DAB1: variants seen among roughly 807,000 people sequenced by gnomAD.
DAB1 encodes the protein DAB adaptor protein 1, also known as disabled homolog 1.
A neutral mutation model predicts 64.6 loss-of-function variants in DAB1; 15 were observed. The ratio of observed to expected loss-of-function variants is 0.23; its 90% CI spans 0.16 to 0.36. DAB1 has a LOEUF of 0.36. DAB1 is among the 10% of genes least tolerant of loss of function. DAB1 has a pLI of 1.00. For synonymous variants in DAB1, 235 were observed against 251.9 expected (o/e 0.93, Z 0.64); for missense variants, 596 against 706.7 (o/e 0.84, Z 1.78).
In DAB1 at chr1:58,273,656, G is replaced by A. The variant is rs1169717563; in HGVS notation, n.309+69696C>T. On this transcript the variant is annotated intron_variant and non_coding_transcript_variant, in intron 4 of 20. Coordinates refer to the DAB1 transcript ENST00000485760. ...TCGCTTTCAGGTACACCAATCAGAC[G>A]TAGATTTGGTCTTTTCACATAGTCC... Among the ~76,000 whole-genome samples the A allele has an allele frequency of 5.8e-3, 231 of 39,896 alleles. 5 individuals are homozygous for A. Among genetic ancestry groups the A allele is most frequent in the African/African-American group, 0.018 (215 of 12,016 alleles). The allele number at this position is 39,896 out of a possible 152,430, so 26.2% of individuals were successfully genotyped here. A position where few individuals can be genotyped will look rare whatever the true frequency, so the allele number is the denominator to read the frequency against.
intron 2 of DAB1, among the ~76,000 whole-genome samples, chr1:57,248,064 G>A (rs611276): frequency 0.59 from 88,990 of 151,984 alleles, 26,274 homozygotes; most frequent in Admixed American, 0.66. Context: ...ACCAAAACAA[G>A]AGGATGCTCA....
rs556971030 is a variant in DAB1, at chr1:58,544,283, G to A, written n.32+2420C>T. Reference sequence around the variant, plus strand: ...ATTATTATTCATTCATTCTGAAAATGTTTAATGAGTGCCCACTAAATGCTA... The same window carrying A: ...ATTATTATTCATTCATTCTGAAAATATTTAATGAGTGCCCACTAAATGCTA... On this transcript the variant is annotated intron_variant and non_coding_transcript_variant, in intron 1 of 20. Coordinates refer to the DAB1 transcript ENST00000485760. 2.0e-5 allele frequency among the ~76,000 whole-genome samples: 3 copies of A among 152,248 alleles called. No homozygotes were observed. In the East Asian group the frequency reaches 5.8e-4, roughly 29 times the overall value.
At chr1:57,217,112 G>T (rs954737247) in intron 2 of DAB1, among the ~76,000 whole-genome samples, 2 of 152,184 alleles carry the variant, frequency 1.3e-5, no homozygotes, top group Admixed American at 1.3e-4. Flanking sequence ...GGATGGCACA[G>T]ATAACGATAT....
intron 9 of DAB1, among the ~76,000 whole-genome samples, chr1:57,056,333 TAAAAAAA>T (rs903018252): frequency 2.6e-5 from 3 of 117,308 alleles, no homozygotes; most frequent in African/African-American, 6.6e-5. Flanking sequence ...TCCTCATCTT[TAAAAAAA>T]AAAAAAAAAA....
chr1:57,748,865 T>C (rs1158658346), intron 6 of DAB1, among the ~76,000 whole-genome samples: 2 of 152,232 alleles, frequency 1.3e-5, no homozygotes, highest in Non-Finnish European at 2.9e-5. Flanking sequence ...AATCTTTTCA[T>C]GCAGGCTGGC....
At chr1:57,353,959 T>C (rs1370508501) in intron 1 of DAB1, among the ~76,000 whole-genome samples, 1 of 152,218 alleles carries the variant, frequency 6.6e-6, no homozygotes, top group Non-Finnish European at 1.5e-5. Flanking sequence ...TAATTGTTTT[T>C]ACTGCAGTTA....
chr1:58,101,152 TA>T, intron 5 of DAB1, among the ~76,000 whole-genome samples: 1 of 151,822 alleles, frequency 6.6e-6, no homozygotes, highest in African/African-American at 2.4e-5. Context: ...CTGTCTCTAC[TA>T]AAAAACACAA....
intron 6 of DAB1, among the ~76,000 whole-genome samples, chr1:57,660,816 T>C (rs1646377645): frequency 6.6e-6 from 1 of 152,206 alleles, no homozygotes; most frequent in Non-Finnish European, 1.5e-5. Flanking sequence ...ACTCTGCAGG[T>C]CATCTCAGCT....
At chr1:58,019,565 A>G (rs1349480097) in intron 5 of DAB1, among the ~76,000 whole-genome samples, 1 of 152,172 alleles carries the variant, frequency 6.6e-6, no homozygotes, top group Non-Finnish European at 1.5e-5. Flanking sequence ...CCTATTTCAC[A>G]TTTCTAACTG....
chr1:57,082,876 C>A (rs1395485216), intron 4 of DAB1, among the ~76,000 whole-genome samples: 1 of 152,150 alleles, frequency 6.6e-6, no homozygotes, highest in African/African-American at 2.4e-5. Flanking sequence ...CTTTATCAGC[C>A]AGTACTTTTC....
intron 3 of DAB1, among the ~76,000 whole-genome samples, chr1:58,353,903 G>C (rs1644082525): frequency 6.6e-6 from 1 of 152,158 alleles, no homozygotes; most frequent in African/African-American, 2.4e-5. Context: ...TTGAATTCAA[G>C]ATTTCCTGGT....
intron 4 of DAB1, among the ~76,000 whole-genome samples, chr1:58,277,056 T>C (rs1320097554): frequency 4.3e-4 from 63 of 147,370 alleles, no homozygotes; most frequent in Non-Finnish European, 1.5e-4. Context: ...TTTTTTTTTT[T>C]TGAGACAGAG....
At chr1:57,384,341 C>G (rs2100980285) in intron 1 of DAB1, among the ~76,000 whole-genome samples, 1 of 152,262 alleles carries the variant, frequency 6.6e-6, no homozygotes, top group Middle Eastern at 3.4e-3. Context: ...CTATGGAAAA[C>G]AGTATGACGG....
chr1:57,814,835 A>T (rs1457930770), intron 6 of DAB1, among the ~76,000 whole-genome samples: 4 of 152,066 alleles, frequency 2.6e-5, no homozygotes, highest in African/African-American at 4.8e-5. Flanking sequence ...CCTGCTACTC[A>T]TTCATTGTAT....
At chr1:58,264,877 T>G (rs547930701) in intron 4 of DAB1, among the ~76,000 whole-genome samples, 1 of 152,340 alleles carries the variant, frequency 6.6e-6, no homozygotes, top group African/African-American at 2.4e-5. Flanking sequence ...GTTAGCTGTA[T>G]CTCTCATAAC....
In DAB1 at chr1:58,204,495, T is replaced by C. The variant is rs78659477; in HGVS notation, n.310-53907A>G. On this transcript the variant is annotated intron_variant and non_coding_transcript_variant, in intron 4 of 20. Transcript: ENST00000485760. ...GTTCCCCAGAAGCACCAGTAGGGGG[T>C]AGAGAAGTGAGGCATGGAAGGGCAG... is the stretch of plus-strand genomic sequence containing the variant. Among the ~76,000 whole-genome samples, 1,139 of 152,054 alleles carry C rather than the reference T, an allele frequency of 7.5e-3. 16 individuals are homozygous for C. Among genetic ancestry groups the C allele is most frequent in the African/African-American group, 0.026 (1,089 of 41,464 alleles).
At chr1:57,287,599 A>G (rs527684999) in intron 2 of DAB1, among the ~76,000 whole-genome samples, 61 of 152,290 alleles carry the variant, frequency 4.0e-4, no homozygotes, top group African/African-American at 1.4e-3. Flanking sequence ...TTAGTAATAA[A>G]AGAGCATAAC....
chr1:57,220,889 A>G (rs957727785), intron 2 of DAB1, among the ~76,000 whole-genome samples: 1 of 152,214 alleles, frequency 6.6e-6, no homozygotes, highest in South Asian at 2.1e-4. Context: ...CAGCCATCCC[A>G]TTACTGGGTA....
intron 2 of DAB1, among the ~76,000 whole-genome samples, chr1:57,234,083 G>T (rs903804939): frequency 3.3e-5 from 5 of 152,184 alleles, no homozygotes; most frequent in African/African-American, 4.8e-5. Context: ...GTTTCATTCA[G>T]TGAACATGCA....
Sources: allele counts gnomAD v4.1 joint callset (sites outside exome capture counted in the v4.1 genomes callset), GRCh38; gene constraint gnomAD v4.1.1; transcripts MANE v1.5; gene names NCBI Gene and HGNC (gene_info 2026-07-23, HGNC 2026-07-21).